WDR37: variants seen among roughly 807,000 people sequenced by gnomAD.
The protein encoded by WDR37 is WD repeat-containing protein 37.
Under a neutral mutation model 62.9 loss-of-function variants are expected in WDR37, and 19 were observed. The ratio of observed to expected loss-of-function variants is 0.30; its 90% CI spans 0.21 to 0.44. The LOEUF (loss-of-function observed/expected upper bound fraction) is 0.44, where lower values mean the gene tolerates loss of function less well. Ranked by LOEUF, WDR37 falls within the 20% of genes least tolerant of loss-of-function variation. The pLI is 1.00. For synonymous variants in WDR37, 250 were observed against 260.9 expected, an observed-to-expected ratio of 0.96 and a Z score of 0.40; for missense variants, 474 against 657.6, an observed-to-expected ratio of 0.72 and a Z score of 3.05.
intron 1 of WDR37, among the ~76,000 whole-genome samples, chr10:1,070,569 A>T (rs908178109): frequency 6.6e-6 from 1 of 152,220 alleles, no homozygotes; most frequent in Non-Finnish European, 1.5e-5. Flanking sequence ...TATTAAAAAT[A>T]AATGAAGTGA....
intron 11 of WDR37, among the ~76,000 whole-genome samples, chr10:1,120,631 C>A (rs898045430): frequency 6.6e-6 from 1 of 152,202 alleles, no homozygotes; most frequent in Non-Finnish European, 1.5e-5. Context: ...CTGCCGTCCA[C>A]AGGACTCCCT....
intron 11 of WDR37, among the ~76,000 whole-genome samples, chr10:1,123,085 A>C (rs1453162423): frequency 6.6e-6 from 1 of 152,092 alleles, no homozygotes; most frequent in African/African-American, 2.4e-5. Flanking sequence ...CTCCCATCTT[A>C]GCCATTTCAG....
chr10:1,100,428 G>T (rs1484202204), intron 9 of WDR37, among the ~76,000 whole-genome samples: 1 of 147,702 alleles, frequency 6.8e-6, no homozygotes, highest in African/African-American at 2.5e-5. Context: ...GTGGAAAGCA[G>T]TTTTGTTTTC....
At chr10:1,090,269 C>T (rs1211432547) in intron 7 of WDR37, among the ~76,000 whole-genome samples, 3 of 152,194 alleles carry the variant, frequency 2.0e-5, no homozygotes, top group East Asian at 1.9e-4. Flanking sequence ...AAGGATTCTC[C>T]TGCTTCGGCC....
chr10:1,082,281 G>A (rs373809695), intron 5 of WDR37, among the ~76,000 whole-genome samples: 76 of 152,216 alleles, frequency 5.0e-4, no homozygotes, highest in Middle Eastern at 3.4e-3. Context: ...AGCAAGTAAC[G>A]TGCCTGGTGG....
At chr10:1,069,389 A>ATATATATATATATATATATTT in intron 1 of WDR37, among the ~76,000 whole-genome samples, 3 of 95,802 alleles carry the variant, frequency 3.1e-5, no homozygotes, top group South Asian at 3.7e-4. Flanking sequence ...ATATATATAT[A>ATATATATATATATATATATTT]TTTTTTTTTT....
chr10:1,099,754 T>C (rs1421795592), intron 9 of WDR37, among the ~76,000 whole-genome samples: 1 of 144,050 alleles, frequency 6.9e-6, no homozygotes, highest in African/African-American at 2.6e-5. Flanking sequence ...TGTGCACTGA[T>C]GGTGTGGCGG....
intron 11 of WDR37, among the ~76,000 whole-genome samples, chr10:1,120,360 G>A (rs1835537748): frequency 1.3e-5 from 2 of 152,374 alleles, no homozygotes; most frequent in South Asian, 4.1e-4. Context: ...CTTGCGCTAT[G>A]AAGCGCCGCC....
At chr10:1,126,610 G>A (rs1330324892) in intron 13 of WDR37, among the ~76,000 whole-genome samples, 1 of 152,188 alleles carries the variant, frequency 6.6e-6, no homozygotes, top group Non-Finnish European at 1.5e-5. Context: ...CAGCTTGGGT[G>A]GCCCCCTCAG....
chr10:1,063,448 G>A (rs1826542133), intron 1 of WDR37, among the ~76,000 whole-genome samples: 1 of 152,008 alleles, frequency 6.6e-6, no homozygotes, highest in Non-Finnish European at 1.5e-5. Context: ...AAATATCACA[G>A]GAAACCCTGC....
Position 1,103,949 on chromosome 10 carries a change from T to C in WDR37, c.961+113T>C. The stretch of plus-strand genomic sequence containing the variant: ...TGACCAGAATGAGTCTCTGTGTTCT[T>C]GGCTCTTCTGTGGTAATTTTTGGAG... On this transcript the variant is annotated intron_variant, in intron 10 of 13. Transcript: ENST00000263150. The surrounding 1 kb of genome is among the most constrained non-coding windows in gnomAD (Gnocchi z 6.3). 9.6e-7 allele frequency: 1 copy of C among 1,044,450 alleles called. No homozygotes were observed. Among genetic ancestry groups the C allele is most frequent in the Non-Finnish European group, 1.4e-6 (1 of 725,482 alleles). The allele number at this position is 1,044,450 out of a possible 1,614,324, so 64.7% of individuals were successfully genotyped here.
chr10:1,088,705 AAAG>A (rs1420781165), intron 7 of WDR37, among the ~76,000 whole-genome samples: 1 of 152,170 alleles, frequency 6.6e-6, no homozygotes, highest in Non-Finnish European at 1.5e-5. Flanking sequence ...AAAAAAAAAA[AAAG>A]AAAAAGTTTG....
intron 1 of WDR37, among the ~76,000 whole-genome samples, chr10:1,070,312 A>ATT (rs751679412): frequency 6.6e-6 from 1 of 152,146 alleles, no homozygotes; most frequent in Non-Finnish European, 1.5e-5. Context: ...AAACTGTCCT[A>ATT]AATAATAGGC....
intron 7 of WDR37, among the ~76,000 whole-genome samples, chr10:1,088,055 C>T (rs1025146758): frequency 1.3e-5 from 2 of 152,160 alleles, no homozygotes; most frequent in Admixed American, 6.5e-5. Flanking sequence ...TCATAAACAA[C>T]TCTCTGCCAG....
At chr10:1,068,355 C>CCTGTAGTCCCGGCCACTCGGGAGG (rs755345670) in intron 1 of WDR37, among the ~76,000 whole-genome samples, 2 of 115,412 alleles carry the variant, frequency 1.7e-5, no homozygotes, top group South Asian at 3.1e-4. Flanking sequence ...GTGGCGGGCG[C>CCTGTAGTCCCGGCCACTCGGGAGG]CTGAGGCAGG....
At chr10:1,076,046 C>T (rs779166098) in intron 2 of WDR37, among the ~76,000 whole-genome samples, 1 of 152,150 alleles carries the variant, frequency 6.6e-6, no homozygotes, top group Non-Finnish European at 1.5e-5. Flanking sequence ...TCCCAAAGTG[C>T]TGGGATTACA....
chr10:1,077,996 C>T lies in WDR37; in HGVS notation c.228C>T (p.Asn76=). ...AATTTGAAAACCTTTATATCGAAAA[C>T]TTAGAATGTGAGTATCTCCTATTTT... The part of the protein sequence containing the change: ...EREFENLYIE[N]LELRREIDTL... Residue 76 remains asparagine, a synonymous_variant, in exon 3 of 14, where the codon AAC becomes AAT. Coordinates refer to ENST00000263150, the MANE Select transcript of WDR37 (RefSeq NM_014023.4). 2 of 1,605,932 alleles carry T rather than the reference C, an allele frequency of 1.2e-6. No individual in the cohort carries two copies. The highest frequency in any genetic ancestry group is 8.5e-7 in the Non-Finnish European group (1 of 1,174,960).
At position 1,068,381 on chromosome 10, in the gene WDR37, C is replaced by G. The variant is rs375886252; in HGVS notation, c.-40-3735C>G. 3.7e-3 allele frequency among the ~76,000 whole-genome samples: 377 copies of G among 102,808 alleles called. 3 individuals carry two copies. Among genetic ancestry groups the G allele is most frequent in the Middle Eastern group, 0.028 (6 of 216 alleles). 67.4% of individuals were successfully genotyped at this position (102,808 alleles called of 152,430 possible). ...CTGAGGCAGGAGAATGGCGTGAACCCGGGAGGCGGAGGTTGCAGTGAGCCG... is the reference window on the plus strand; with the variant it reads ...CTGAGGCAGGAGAATGGCGTGAACCGGGGAGGCGGAGGTTGCAGTGAGCCG... On this transcript the variant is annotated intron_variant, in intron 1 of 13. Coordinates refer to ENST00000263150, the MANE Select transcript of WDR37 (RefSeq NM_014023.4).
chr10:1,124,642 G>A (rs1835681672), intron 12 of WDR37, among the ~76,000 whole-genome samples: 1 of 145,978 alleles, frequency 6.9e-6, no homozygotes, highest in South Asian at 2.3e-4. Flanking sequence ...GGTGGGTCTG[G>A]TTCTACCATT....
Sources: gnomAD v4.1 joint callset for allele counts (sites outside exome capture counted in the v4.1 genomes callset) on GRCh38, gnomAD v4.1.1 for gene constraint, Gnocchi (gnomAD v3.1) non-coding constraint, MANE v1.5 for transcripts, NCBI Gene and HGNC (gene_info 2026-07-23, HGNC 2026-07-21) for gene names.